The following CELF4 variants were observed in gnomAD, a reference collection of about 807,000 sequenced individuals.
The protein encoded by CELF4 is CUG-BP- and ETR-3-like factor 4.
CELF4 carries 18 observed loss-of-function variants against 59.9 expected under a neutral mutation model. The observed-to-expected ratio is 0.30, with a 90% confidence interval of 0.21 to 0.45. The LOEUF is 0.45. Among genes scored for constraint, CELF4 ranks in the 20% least tolerant of loss-of-function variants. The pLI, the probability that CELF4 is intolerant of heterozygous loss-of-function variation, is 1.00. For synonymous variants in CELF4, 261 were observed against 267.1 expected (o/e 0.98, Z 0.22); for missense variants, 456 against 689.0 (o/e 0.66, Z 3.79).
intron 2 of CELF4, among the ~76,000 whole-genome samples, chr18:37,335,797 T>C (rs1044583999): frequency 1.1e-4 from 16 of 152,124 alleles, no homozygotes; most frequent in Admixed American, 2.6e-4. Flanking sequence ...CCCTTGGAGG[T>C]AATTCCAAAA....
At chr18:37,429,447 CTG>C (rs2154599288) in intron 2 of CELF4, among the ~76,000 whole-genome samples, 1 of 152,160 alleles carries the variant, frequency 6.6e-6, no homozygotes, top group East Asian at 1.9e-4. Flanking sequence ...GTGTGCATGT[CTG>C]TGAGTGTGTA....
chr18:37,271,065 A>T, intron 7 of CELF4, 148 bp from the exon 8 acceptor site: 1 of 657,532 alleles, frequency 1.5e-6, no homozygotes, highest in Non-Finnish European at 2.5e-6. Context: ...CTTATCTATG[A>T]CCCATGCCTT....
intron 3 of CELF4, among the ~76,000 whole-genome samples, chr18:37,304,403 G>A (rs1569551360): frequency 6.6e-6 from 1 of 152,290 alleles, no homozygotes; most frequent in South Asian, 2.1e-4. Context: ...ACACTGCAGA[G>A]GGCAGTGAGG....
intron 2 of CELF4, among the ~76,000 whole-genome samples, chr18:37,482,292 G>C (rs1387969051): frequency 6.6e-6 from 1 of 152,116 alleles, no homozygotes; most frequent in African/African-American, 2.4e-5. Context: ...TGTGAATAGA[G>C]GAGCATGGGC....
chr18:37,530,673 C>G (rs1291418639), intron 1 of CELF4, among the ~76,000 whole-genome samples: 1 of 152,118 alleles, frequency 6.6e-6, no homozygotes, highest in Non-Finnish European at 1.5e-5. Flanking sequence ...TTTTGTTTCA[C>G]TTTCTCTTCC....
intron 1 of CELF4, among the ~76,000 whole-genome samples, chr18:37,560,583 C>A (rs770470618): frequency 6.6e-6 from 1 of 152,216 alleles, no homozygotes; most frequent in Non-Finnish European, 1.5e-5. Flanking sequence ...CAAGGCAAAT[C>A]TTTCTTTTAA....
At chr18:37,309,532 G>GAA (rs1342359240) in intron 3 of CELF4, among the ~76,000 whole-genome samples, 1 of 152,056 alleles carries the variant, frequency 6.6e-6, no homozygotes, top group Non-Finnish European at 1.5e-5. Context: ...GCTGGGTAGG[G>GAA]AAAAAGCAGA....
intron 3 of CELF4, among the ~76,000 whole-genome samples, chr18:37,311,965 G>A (rs2096670749): frequency 6.6e-6 from 1 of 150,990 alleles, no homozygotes; most frequent in Non-Finnish European, 1.5e-5. Flanking sequence ...CAAAAAATTA[G>A]CCAGGCATGG....
intron 2 of CELF4, among the ~76,000 whole-genome samples, chr18:37,344,024 A>G (rs2098156694): frequency 1.3e-5 from 2 of 152,138 alleles, no homozygotes; most frequent in South Asian, 4.2e-4. Context: ...CAGGAAGCCC[A>G]TTAGATCTCT....
At chr18:37,361,285 G>A (rs192921229) in intron 2 of CELF4, among the ~76,000 whole-genome samples, 3 of 152,148 alleles carry the variant, frequency 2.0e-5, no homozygotes, top group Non-Finnish European at 4.4e-5. Context: ...AGTTAAAGAC[G>A]CACCAGGATT....
chr18:37,295,824 C>T (rs1257051079), intron 3 of CELF4, among the ~76,000 whole-genome samples: 1 of 152,186 alleles, frequency 6.6e-6, no homozygotes, highest in African/African-American at 2.4e-5. Context: ...GCATTGGCGG[C>T]GAGAGGAAGA....
At chr18:37,292,554 G>A (rs1447692161) in intron 3 of CELF4, among the ~76,000 whole-genome samples, 1 of 151,388 alleles carries the variant, frequency 6.6e-6, no homozygotes, top group East Asian at 1.9e-4. Flanking sequence ...GAAGTGACGC[G>A]GGCAGGCCAG....
chr18:37,362,083 G>A (rs1239648957), intron 2 of CELF4, among the ~76,000 whole-genome samples: 1 of 152,042 alleles, frequency 6.6e-6, no homozygotes, highest in East Asian at 1.9e-4. Context: ...TTGGTGAAAT[G>A]AGCAAAGGGC....
At chr18:37,359,488 C>T (rs1187829263) in intron 2 of CELF4, among the ~76,000 whole-genome samples, 2 of 152,168 alleles carry the variant, frequency 1.3e-5, no homozygotes, top group Non-Finnish European at 2.9e-5. Flanking sequence ...CTGCGCACCA[C>T]CAGGCCTGGC....
At chr18:37,496,849 C>A (rs186578186) in intron 1 of CELF4, among the ~76,000 whole-genome samples, 89 of 152,266 alleles carry the variant, frequency 5.8e-4, no homozygotes, top group Non-Finnish European at 1.3e-4. Flanking sequence ...AGGGCTGCGG[C>A]GAAGAAGGAG....
chr18:37,262,954 C>T (rs1019586441), intron 10 of CELF4, among the ~76,000 whole-genome samples: 1 of 152,188 alleles, frequency 6.6e-6, no homozygotes, highest in Non-Finnish European at 1.5e-5. Flanking sequence ...TGTAACTTGG[C>T]TTTCCTGGGC....
At chr18:37,470,885 T>TGA (rs1569569558) in intron 2 of CELF4, among the ~76,000 whole-genome samples, 7 of 79,652 alleles carry the variant, frequency 8.8e-5, no homozygotes, top group South Asian at 5.0e-4. Flanking sequence ...TGTGTGTGTG[T>TGA]GTGACAGAGA....
chr18:37,507,254 T>C (rs1158795010), intron 1 of CELF4, among the ~76,000 whole-genome samples: 1 of 152,224 alleles, frequency 6.6e-6, no homozygotes, highest in Non-Finnish European at 1.5e-5. Context: ...AGGAACAGGG[T>C]GGGGAGGAGG....
rs7237646 is a variant in CELF4 at position 37,441,042 on chromosome 18, G to A, written c.369+44483C>T. On this transcript the variant is annotated intron_variant, in intron 2 of 12. Transcript: ENST00000420428. The stretch of plus-strand genomic sequence containing the variant: ...TACTACCACCACAACCGTATCTGCC[G>A]CTGCTGATACCTAGACCGTTCTTGC... Among the ~76,000 whole-genome samples, 241 of 152,316 alleles carry A rather than the reference G, an allele frequency of 1.6e-3. 2 individuals carry two copies. The highest frequency in any genetic ancestry group is 5.5e-3 in the African/African-American group (227 of 41,568).
Sources: allele counts gnomAD v4.1 joint callset (sites outside exome capture counted in the v4.1 genomes callset), GRCh38; gene constraint gnomAD v4.1.1; transcripts MANE v1.5; gene names NCBI Gene and HGNC (gene_info 2026-07-23, HGNC 2026-07-21).